Variants in KNTC1 observed in about 807,000 individuals in gnomAD.
The protein encoded by KNTC1 is kinetochore associated 1.
A neutral mutation model predicts 314.4 loss-of-function variants in KNTC1; 253 were observed. The ratio of observed to expected loss-of-function variants is 0.80; its 90% confidence interval spans 0.73 to 0.89. The LOEUF is 0.89. KNTC1 is among the 40% of genes least tolerant of loss of function. The pLI, the probability that KNTC1 is intolerant of heterozygous loss-of-function variation, is 0.00. For synonymous variants in KNTC1, 901 were observed against 901.4 expected, an observed-to-expected ratio of 1.00 and a Z score of 0.01; for missense variants, 2,475 against 2,572.9, an observed-to-expected ratio of 0.96 and a Z score of 0.82.
chr12:122,553,160 GAA>G (rs373313055), intron 16 of KNTC1, among the ~76,000 whole-genome samples: 8 of 134,514 alleles, frequency 5.9e-5, no homozygotes, highest in Non-Finnish European at 3.2e-5. Context: ...CTGTCTCAGG[GAA>G]AAAAAAAAAA....
At chr12:122,541,944 G>A in intron 5 of KNTC1, 106 bp from the exon 6 acceptor site, 1 of 1,079,564 alleles carries the variant, frequency 9.3e-7, no homozygotes. Flanking sequence ...GCACCCTAGA[G>A]GCGGAGGTTG....
chr12:122,533,333 AT>A (rs566157059), intron 2 of KNTC1, among the ~76,000 whole-genome samples: 104 of 152,200 alleles, frequency 6.8e-4, no homozygotes, highest in Middle Eastern at 3.4e-3. Flanking sequence ...CGCCCGGCTA[AT>A]TTTAGTGCCA....
At chr12:122,612,709 T>G (rs1229465841) in intron 53 of KNTC1, among the ~76,000 whole-genome samples, 2 of 152,198 alleles carry the variant, frequency 1.3e-5, no homozygotes, top group African/African-American at 4.8e-5. Context: ...TGAGCCACTG[T>G]GCCCGGCCAC....
Position 122,620,545 on chromosome 12 carries a change from G to A in KNTC1, c.6216G>A (p.Pro2072=), listed in dbSNP as rs374631079. ...VARQYIQLEL[P]AFALACLMLM... is the part of the protein sequence containing the mutation. ...GGCAGTATATCCAGTTAGAACTTCC[G>A]GCTTTTGCATTAGCTTGTCTGATGC... The change falls in exon 60 of 64, where the codon CCG becomes CCA. Residue 2072 remains proline, a synonymous_variant. Transcript: ENST00000333479. The A allele has an allele frequency of 1.3e-5, 21 of 1,613,410 alleles. No homozygotes were observed. The highest frequency in any genetic ancestry group is 1.7e-5 in the Admixed American group (1 of 59,960).
intron 57 of KNTC1, chr12:122,617,378 T>A (rs1468979093): frequency 2.2e-6 from 1 of 450,850 alleles, no homozygotes; most frequent in South Asian, 1.6e-5. Context: ...TTACATTTTC[T>A]TTCCTCTTTT....
In KNTC1 at chr12:122,561,447, T is replaced by C. The variant is rs148100208; in HGVS notation, c.1489-474T>C. Among the ~76,000 whole-genome samples the C allele has an allele frequency of 1.4e-4, 22 of 152,190 alleles. No homozygotes were observed. In the East Asian group the frequency reaches 4.1e-3, roughly 28 times the overall value. The stretch of plus-strand genomic sequence containing the variant: ...GACCTATGAGTATTTTTGCTATTTA[T>C]TTATTTATTTGTAATTTTTTTTTTG... On this transcript the variant is annotated intron_variant, in intron 18 of 63. Transcript: ENST00000333479.
intron 16 of KNTC1, among the ~76,000 whole-genome samples, chr12:122,555,774 G>A (rs1272821808): frequency 6.6e-6 from 1 of 151,490 alleles, no homozygotes; most frequent in Admixed American, 6.6e-5. Context: ...GCTTGAACCC[G>A]GGAGGCAGAG....
rs145108792 is a variant in KNTC1, at chr12:122,601,708, C to G, written c.4653+83C>G. On this transcript the variant is annotated intron_variant, in intron 45 of 63. Coordinates refer to ENST00000333479, the MANE Select transcript of KNTC1 (RefSeq NM_014708.6). ...AATCATATCATTATCCAGGGCCTTT[C>G]CAAATTATCCATTGAATTCCCTTTA... The G allele has an allele frequency of 1.7e-4, 204 of 1,219,070 alleles. No homozygotes were observed. The African/African-American group carries it at 2.7e-3, about 16-fold the overall frequency. The allele number at this position is 1,219,070 out of a possible 1,614,324, so 75.5% of individuals were successfully genotyped here. A position where few individuals can be genotyped will look rare whatever the true frequency, so the allele number is the denominator to read the frequency against.
chr12:122,577,602 A>G (rs1965113858), intron 30 of KNTC1, 70 bp from the exon 31 acceptor site: 1 of 1,399,796 alleles, frequency 7.1e-7, no homozygotes, highest in Non-Finnish European at 9.5e-7. Flanking sequence ...AATAGAAAAG[A>G]AAGAGGTAAG....
chr12:122,594,103 A>G (rs1870699785), intron 42 of KNTC1, 173 bp from the exon 43 acceptor site: 1 of 583,562 alleles, frequency 1.7e-6, no homozygotes, highest in South Asian at 2.2e-5. Flanking sequence ...ACCCATGTAC[A>G]CCTCAAATCT....
At chr12:122,560,171 G>T (rs1272750033) in intron 18 of KNTC1, among the ~76,000 whole-genome samples, 1 of 152,112 alleles carries the variant, frequency 6.6e-6, no homozygotes, top group Non-Finnish European at 1.5e-5. Context: ...CATTCATGTT[G>T]TTGCAAATGA....
intron 59 of KNTC1, 174 bp from the exon 60 acceptor site, chr12:122,620,305 A>T: frequency 1.9e-6 from 1 of 529,966 alleles, no homozygotes; most frequent in Non-Finnish European, 3.4e-6. Flanking sequence ...TATTCTGTGT[A>T]GAGTGCTGTC....
At position 122,571,191 on chromosome 12, in the gene KNTC1, T is replaced by C. The variant is rs1320919348; in HGVS notation, c.2019+65T>C. ...GTTTACCTGAAAGGGTTTGTCTGCATGTATGTGAAGTATCTGGAAATATAT... is the reference window on the plus strand; with the variant it reads ...GTTTACCTGAAAGGGTTTGTCTGCACGTATGTGAAGTATCTGGAAATATAT... On this transcript the variant is annotated intron_variant, in intron 24 of 63. Transcript: ENST00000333479. The C allele has an allele frequency of 1.1e-5, 13 of 1,233,250 alleles. No homozygotes were observed. The East Asian group carries it at 1.9e-4, about 18-fold the overall frequency. The allele number at this position is 1,233,250 out of a possible 1,614,324, so 76.4% of individuals were successfully genotyped here. A position where few individuals can be genotyped will look rare whatever the true frequency, so the allele number is the denominator to read the frequency against.
intron 16 of KNTC1, among the ~76,000 whole-genome samples, chr12:122,552,974 GA>G (rs1474503179): frequency 6.6e-6 from 1 of 152,000 alleles, no homozygotes; most frequent in Non-Finnish European, 1.5e-5. Flanking sequence ...GCAATATGGT[GA>G]AACCTAAAAA....
intron 16 of KNTC1, among the ~76,000 whole-genome samples, chr12:122,556,510 G>A (rs1003218665): frequency 7.4e-6 from 1 of 135,948 alleles, no homozygotes; most frequent in Non-Finnish European, 1.5e-5. Context: ...TTTTGAGATG[G>A]AGTCTTTCTC....
At chr12:122,601,420 A>G in intron 44 of KNTC1, 116 bp from the exon 45 acceptor site, 1 of 932,858 alleles carries the variant, frequency 1.1e-6, no homozygotes. Context: ...AATTAATTTA[A>G]CAATGTAGTG....
intron 29 of KNTC1, among the ~76,000 whole-genome samples, chr12:122,576,356 A>C (rs1565975780): frequency 6.6e-6 from 1 of 151,994 alleles, no homozygotes. Flanking sequence ...GGCGTGAGCT[A>C]CCGCTCCTGG....
rs747962174 is a variant in KNTC1, at chr12:122,573,017, G to GA, written c.2102dup (p.Tyr702ValfsTer9). 10 of 1,611,310 alleles carry GA rather than the reference G, an allele frequency of 6.2e-6. No individual in the cohort carries two copies. The highest frequency in any genetic ancestry group is 8.5e-6 in the Non-Finnish European group (10 of 1,178,498). On this transcript the variant is annotated frameshift_variant, in exon 25 of 64. Transcript: ENST00000333479. LOFTEE classifies it high-confidence loss of function. ...TGCGAGAGTTGATCACGTTGCATAG[G>GA]AAGTACAACTGCAAATTAGCCCTCT...
rs2138196972 is a variant in KNTC1 at position 122,621,968 on chromosome 12, CAAGT to C, written c.6369+2_6369+5del. 6.3e-7 allele frequency: 1 copy of C among 1,597,126 alleles called. No homozygotes were observed. Among genetic ancestry groups the C allele is most frequent in the Non-Finnish European group, 8.6e-7 (1 of 1,168,982 alleles). ...GGGCCAGCTAGCAGGATTTTCACAT[CAAGT>C]AAGAGGCGATTTCATCTCCTTTTTG... is the stretch of plus-strand genomic sequence containing the variant. On this transcript the variant is annotated splice_donor_variant and coding_sequence_variant, in exon 61 of 64. Coordinates refer to ENST00000333479, the MANE Select transcript of KNTC1 (RefSeq NM_014708.6). LOFTEE classifies it high-confidence loss of function.
Sources: allele counts gnomAD v4.1 joint callset (sites outside exome capture counted in the v4.1 genomes callset), GRCh38; gene constraint gnomAD v4.1.1; transcripts MANE v1.5; gene names NCBI Gene and HGNC (gene_info 2026-07-23, HGNC 2026-07-21).